Variants in STAG2 observed in about 807,000 individuals in gnomAD.
STAG2 encodes STAG2 cohesin complex component, also known as cohesin subunit SA-2.
STAG2 carries 14 observed loss-of-function variants against 108.1 expected under a neutral mutation model. The ratio of observed to expected loss-of-function variants is 0.13; its 90% CI spans 0.09 to 0.20. The LOEUF (loss-of-function observed/expected upper bound fraction) is 0.20, where lower values mean the gene tolerates loss of function less well. Ranked by LOEUF, STAG2 falls within the 10% of genes least tolerant of loss-of-function variation. The probability of loss-of-function intolerance (pLI) is 1.00; values close to 1 mark genes in which losing one functional copy is unlikely to be tolerated. For missense variants in STAG2, 440 were observed against 940.9 expected (o/e 0.47, Z 6.96); for synonymous variants, 307 against 302.7 (o/e 1.01, Z -0.15).
chrX:124,022,953 A>C (rs1250225972), intron 3 of STAG2, among the ~76,000 whole-genome samples: 1 of 112,176 alleles, frequency 8.9e-6, no homozygotes, highest in Non-Finnish European at 1.9e-5. Context: ...TGCAATAGCA[A>C]CTGTTTTGAG....
chrX:124,014,571 G>A (rs2056636718), intron 1 of STAG2, among the ~76,000 whole-genome samples: 1 of 111,240 alleles, frequency 9.0e-6, no homozygotes, highest in African/African-American at 3.3e-5. Flanking sequence ...ACGTTGGCCA[G>A]GCTGGTCTGG....
intron 1 of STAG2, among the ~76,000 whole-genome samples, chrX:124,011,008 TAA>T (rs1267242860): frequency 1.8e-5 from 2 of 111,704 alleles, no homozygotes; most frequent in Non-Finnish European, 3.8e-5. Flanking sequence ...ATGATAATAT[TAA>T]GTCTTCGAAT....
chrX:124,074,134 A>C (rs2058742793), intron 25 of STAG2, among the ~76,000 whole-genome samples: 1 of 112,331 alleles, frequency 8.9e-6, no homozygotes. Flanking sequence ...GGCTGGCCTC[A>C]ACCTCCTGGG....
At chrX:123,970,813 T>A (rs1486523566) in intron 1 of STAG2, among the ~76,000 whole-genome samples, 2 of 112,288 alleles carry the variant, frequency 1.8e-5, no homozygotes, top group Non-Finnish European at 3.8e-5. Context: ...ATATGCCAGA[T>A]ACTCTTAAAA....
At chrX:124,000,344 A>C (rs1008425552) in intron 1 of STAG2, among the ~76,000 whole-genome samples, 4 of 111,201 alleles carry the variant, frequency 3.6e-5, no homozygotes, top group African/African-American at 1.3e-4. Context: ...CATATTTACT[A>C]TTTATCATTA....
intron 1 of STAG2, among the ~76,000 whole-genome samples, chrX:124,018,701 GTGT>G (rs1293709378): frequency 9.0e-6 from 1 of 110,787 alleles, no homozygotes; most frequent in Non-Finnish European, 1.9e-5. Context: ...CGGTCTCACT[GTGT>G]TGTCCAGGCT....
Position 124,061,772 on chromosome X carries a change from A to G in STAG2, c.1536A>G (p.Ala512=). Residue 512 remains alanine (A), a splice_region_variant and synonymous_variant, in exon 17 of 35, where the codon GCA becomes GCG. Coordinates refer to ENST00000371145, the MANE Select transcript of STAG2 (RefSeq NM_001042750.2). ...TTTTTTTTTTTTTTTTTTTTTTAGCACTAACAGATAGGCAAGAGAGTGCTC... is the reference window on the plus strand; with the variant it reads ...TTTTTTTTTTTTTTTTTTTTTTAGCGCTAACAGATAGGCAAGAGAGTGCTC... The part of the protein sequence containing the change: ...LLEEPLSGEE[A]LTDRQESALI... 1.1e-6 allele frequency: 1 copy of G among 879,941 alleles called. No homozygotes were observed. The highest frequency in any genetic ancestry group is 2.9e-5 in the South Asian group (1 of 34,987). 72.5% of individuals were successfully genotyped at this position (879,941 alleles called of 1,213,427 possible).
At chrX:124,058,074 T>C in intron 15 of STAG2, 97 bp downstream of exon 15, 1 of 403,808 alleles carries the variant, frequency 2.5e-6, no homozygotes, top group Non-Finnish European at 4.0e-6. Context: ...TGTAGCACAG[T>C]AAATTGTGAA....
At chrX:123,984,760 A>G (rs1185671402) in intron 1 of STAG2, among the ~76,000 whole-genome samples, 1 of 110,345 alleles carries the variant, frequency 9.1e-6, no homozygotes, top group Admixed American at 9.7e-5. Flanking sequence ...ACCTCAGCCT[A>G]CGGAGTAGTT....
In STAG2 at chrX:124,009,392, C is replaced by CAGGTAGGT. The variant is rs748240892; in HGVS notation, c.-162-11928_-162-11921dup. ...TGATATCTGGTACCAGTAATCTAAC[C>CAGGTAGGT]AGGTAGGTAGGTAGGTAGGTAGGTA... On this transcript the variant is annotated intron_variant, in intron 1 of 34. Coordinates refer to ENST00000371145, the MANE Select transcript of STAG2 (RefSeq NM_001042750.2). Among the ~76,000 whole-genome samples the CAGGTAGGT allele has an allele frequency of 4.0e-3, 363 of 90,531 alleles. 6 individuals are homozygous for CAGGTAGGT. Among genetic ancestry groups the CAGGTAGGT allele is most frequent in the African/African-American group, 0.014 (342 of 24,492 alleles). 78.6% of individuals were successfully genotyped at this position (90,531 alleles called of 115,157 possible).
chrX:123,966,347 A>G (rs1337136588), intron 1 of STAG2, among the ~76,000 whole-genome samples: 1 of 109,722 alleles, frequency 9.1e-6, no homozygotes, highest in Non-Finnish European at 1.9e-5. Context: ...CTGTAGTCCC[A>G]GCTGCTTGGG....
chrX:124,025,484 G>A (rs1016716809), intron 3 of STAG2, among the ~76,000 whole-genome samples: 2 of 110,920 alleles, frequency 1.8e-5, no homozygotes, highest in South Asian at 3.7e-4. Context: ...CAGTTTTTCC[G>A]CAGCACTGTG....
At chrX:124,034,759 A>G (rs979283301) in intron 5 of STAG2, among the ~76,000 whole-genome samples, 1 of 111,309 alleles carries the variant, frequency 9.0e-6, no homozygotes, top group Admixed American at 9.6e-5. Context: ...TATAGCACTT[A>G]TACTGTGCCT....
intron 5 of STAG2, among the ~76,000 whole-genome samples, chrX:124,034,675 A>G (rs2057451188): frequency 9.0e-6 from 1 of 111,392 alleles, no homozygotes. Flanking sequence ...ATCAAATGTC[A>G]GTCTTCTGAA....
intron 1 of STAG2, among the ~76,000 whole-genome samples, chrX:123,967,085 A>G (rs1384709696): frequency 9.2e-6 from 1 of 109,277 alleles, no homozygotes; most frequent in Non-Finnish European, 1.9e-5. Context: ...GAGTTTCACC[A>G]TGTTGGTCAG....
chrX:123,991,397 G>A (rs2055453180), intron 1 of STAG2, among the ~76,000 whole-genome samples: 1 of 110,549 alleles, frequency 9.0e-6, no homozygotes, highest in South Asian at 3.8e-4. Flanking sequence ...CTGTTGCCCA[G>A]GTTGGAGTGC....
intron 13 of STAG2, among the ~76,000 whole-genome samples, chrX:124,053,858 T>C (rs2058112876): frequency 8.9e-6 from 1 of 112,231 alleles, no homozygotes; most frequent in Admixed American, 9.4e-5. Flanking sequence ...AGTTAATTTC[T>C]GCAAATCAAT....
intron 1 of STAG2, among the ~76,000 whole-genome samples, chrX:123,983,489 T>G (rs2054991134): frequency 9.0e-6 from 1 of 111,240 alleles, no homozygotes; most frequent in Non-Finnish European, 1.9e-5. Flanking sequence ...GCCCAGATTT[T>G]TTTTTCTTAC....
rs188965033 is a variant in STAG2 at position 124,000,273 on chromosome X, G to A, written c.-162-21094G>A. Reference sequence around the variant, plus strand: ...AACCTGCCCTGCCAGTTGTATAAAAGTATAGCACATACAGTTATGTATAGT... The same window carrying A: ...AACCTGCCCTGCCAGTTGTATAAAAATATAGCACATACAGTTATGTATAGT... On this transcript the variant is annotated intron_variant, in intron 1 of 34. Coordinates refer to ENST00000371145, the MANE Select transcript of STAG2 (RefSeq NM_001042750.2). Among the ~76,000 whole-genome samples the A allele has an allele frequency of 2.5e-3, 274 of 111,686 alleles. 1 individual carries two copies. Among genetic ancestry groups the A allele is most frequent in the African/African-American group, 8.2e-3 (253 of 30,707 alleles).
Sources: allele counts gnomAD v4.1 joint callset (sites outside exome capture counted in the v4.1 genomes callset), GRCh38; gene constraint gnomAD v4.1.1; transcripts MANE v1.5; gene names NCBI Gene and HGNC (gene_info 2026-07-23, HGNC 2026-07-21).